PID1: variants seen among roughly 807,000 people sequenced by gnomAD.
PID1 encodes the protein phosphotyrosine interaction domain containing 1.
A neutral mutation model predicts 19.1 loss-of-function variants in PID1; 10 were observed. The ratio of observed to expected loss-of-function variants is 0.52; its 90% CI spans 0.32 to 0.89. PID1 has a LOEUF of 0.89. PID1 is among the 40% of genes least tolerant of loss of function. The pLI is 0.03. For synonymous variants in PID1, 130 were observed against 116.0 expected (o/e 1.12, Z -0.78); for missense variants, 248 against 285.3 (o/e 0.87, Z 0.94).
In PID1 at chr2:229,166,871, T is replaced by C. The variant is rs920448432; in HGVS notation, c.31-10907A>G. ...GAAATAGCTCTCAACTTGGCCAACA[T>C]TAGACAATTTCAGTAACAATAAATA... On this transcript the variant is annotated intron_variant, in intron 1 of 2. Coordinates refer to ENST00000392055, the MANE Select transcript of PID1 (RefSeq NM_001100818.2). 3.3e-5 allele frequency among the ~76,000 whole-genome samples: 5 copies of C among 151,740 alleles called. 1 individual carries two copies. The South Asian group carries it at 1.0e-3, about 32-fold the overall frequency.
At chr2:229,145,195 G>A (rs888054896) in intron 2 of PID1, among the ~76,000 whole-genome samples, 9 of 133,930 alleles carry the variant, frequency 6.7e-5, no homozygotes, top group Non-Finnish European at 9.5e-5. Flanking sequence ...ATATAAACTC[G>A]AGACAGCATT....
intron 1 of PID1, among the ~76,000 whole-genome samples, chr2:229,188,716 G>A (rs910693277): frequency 7.1e-6 from 1 of 141,092 alleles, no homozygotes; most frequent in African/African-American, 2.7e-5. Flanking sequence ...TCCAGCCTGG[G>A]CAACAAGAGC....
At position 229,025,474 on chromosome 2, in the gene PID1, A is replaced by T. The variant is rs187927704; in HGVS notation, c.*158T>A. 1 of 642,770 alleles carries T rather than the reference A, an allele frequency of 1.6e-6. No individual in the cohort carries two copies. Among genetic ancestry groups the T allele is most frequent in the East Asian group, 2.6e-5 (1 of 39,074 alleles). The allele number at this position is 642,770 out of a possible 1,614,324, so 39.8% of individuals were successfully genotyped here. Reference sequence around the variant, plus strand: ...AATGTAACGTAATTACTTTAATGATACATTTCTTTAGATTTAGAATTGCTC... The same window carrying T: ...AATGTAACGTAATTACTTTAATGATTCATTTCTTTAGATTTAGAATTGCTC... On this transcript the variant is annotated 3_prime_UTR_variant, in exon 3 of 3. Transcript: ENST00000392055.
intron 2 of PID1, among the ~76,000 whole-genome samples, chr2:229,084,515 C>T (rs1323101558): frequency 1.3e-5 from 2 of 152,172 alleles, no homozygotes; most frequent in African/African-American, 4.8e-5. Flanking sequence ...GGTTTACAGG[C>T]ATATGAATTG....
intron 1 of PID1, among the ~76,000 whole-genome samples, chr2:229,237,180 C>T (rs887391222): frequency 7.2e-5 from 11 of 152,062 alleles, no homozygotes; most frequent in African/African-American, 2.4e-4. Context: ...TTTTTGCATC[C>T]AGAGAATAAC....
chr2:229,122,676 T>C (rs1488137308), intron 2 of PID1, among the ~76,000 whole-genome samples: 1 of 152,184 alleles, frequency 6.6e-6, no homozygotes, highest in African/African-American at 2.4e-5. Flanking sequence ...ACTATCGTCA[T>C]TAGTGGATAT....
chr2:229,185,980 G>A (rs1305566577), intron 1 of PID1, among the ~76,000 whole-genome samples: 1 of 152,156 alleles, frequency 6.6e-6, no homozygotes, highest in African/African-American at 2.4e-5. Context: ...AAAATCAAAA[G>A]CAAGTTAGTT....
intron 1 of PID1, among the ~76,000 whole-genome samples, chr2:229,260,071 C>A (rs1021915882): frequency 2.0e-5 from 3 of 152,112 alleles, no homozygotes; most frequent in South Asian, 4.1e-4. Context: ...AGTGAACTAT[C>A]TTCTCTGCAC....
intron 1 of PID1, among the ~76,000 whole-genome samples, chr2:229,241,912 C>A (rs187078559): frequency 6.6e-6 from 1 of 152,236 alleles, no homozygotes; most frequent in East Asian, 1.9e-4. Flanking sequence ...TCTATAAGTA[C>A]CCTTTTTCTC....
chr2:229,207,083 T>G (rs899711382), intron 1 of PID1, among the ~76,000 whole-genome samples: 1 of 152,066 alleles, frequency 6.6e-6, no homozygotes, highest in South Asian at 2.1e-4. Context: ...AATGGAAGCC[T>G]CCTCTTCTGT....
chr2:229,235,566 T>C lies in PID1; in HGVS notation c.30+35448A>G, dbSNP rs183584911. 6.6e-5 allele frequency among the ~76,000 whole-genome samples: 10 copies of C among 152,338 alleles called. No homozygotes were observed. In the East Asian group the frequency reaches 1.9e-3, roughly 29 times the overall value. On this transcript the variant is annotated intron_variant, in intron 1 of 2. Transcript: ENST00000392055. ...TTTTTCCTGACTTTTGAACTACTTC[T>C]TTCTAGAAACACTAAAATTAATCCT... is the stretch of plus-strand genomic sequence containing the variant.
intron 2 of PID1, among the ~76,000 whole-genome samples, chr2:229,136,526 G>A (rs939394155): frequency 6.6e-6 from 1 of 152,180 alleles, no homozygotes; most frequent in African/African-American, 2.4e-5. Flanking sequence ...TTTTAAAAGT[G>A]TAATTTTCCC....
rs1414796716 is a variant in PID1, at chr2:229,094,329, G to A, written c.177+61489C>T. ...AGAAAGCCATCCATCCCATGGCCAT[G>A]GATTAGAAGAATCAATATCATGAAA... On this transcript the variant is annotated intron_variant, in intron 2 of 2. Coordinates refer to ENST00000392055, the MANE Select transcript of PID1 (RefSeq NM_001100818.2). Among the ~76,000 whole-genome samples the A allele has an allele frequency of 2.0e-5, 3 of 152,132 alleles. No homozygotes were observed. The East Asian group carries it at 5.8e-4, about 30-fold the overall frequency.
intron 2 of PID1, among the ~76,000 whole-genome samples, chr2:229,046,984 T>C (rs1312634667): frequency 6.6e-6 from 1 of 152,204 alleles, no homozygotes; most frequent in African/African-American, 2.4e-5. Flanking sequence ...TCCTACCATC[T>C]TGATAGCTGC....
At chr2:229,230,556 C>T (rs920166573) in intron 1 of PID1, among the ~76,000 whole-genome samples, 3 of 152,182 alleles carry the variant, frequency 2.0e-5, no homozygotes, top group African/African-American at 4.8e-5. Context: ...AAGTCATCTG[C>T]TTTGTCAGCT....
chr2:229,263,672 A>G (rs1207519034), intron 1 of PID1, among the ~76,000 whole-genome samples: 2 of 152,222 alleles, frequency 1.3e-5, no homozygotes, highest in Non-Finnish European at 2.9e-5. Context: ...GTCTCTGGAG[A>G]ATTGTTACAT....
chr2:229,072,907 T>G (rs894531348), intron 2 of PID1, among the ~76,000 whole-genome samples: 3 of 152,244 alleles, frequency 2.0e-5, no homozygotes, highest in African/African-American at 2.4e-5. Flanking sequence ...AAGCCAAGCT[T>G]AAAAACAATC....
At chr2:229,093,928 T>G (rs1287360303) in intron 2 of PID1, among the ~76,000 whole-genome samples, 2 of 152,088 alleles carry the variant, frequency 1.3e-5, no homozygotes, top group African/African-American at 4.8e-5. Context: ...TGACTTCTGT[T>G]CAACATAGTA....
rs1271835276 is a variant in PID1 at position 229,210,551 on chromosome 2, AAAAC to A, written c.31-54591_31-54588del. Among the ~76,000 whole-genome samples the A allele has an allele frequency of 3.5e-3, 343 of 96,780 alleles. 40 individuals are homozygous for A. The highest frequency in any genetic ancestry group is 0.023 in the East Asian group (30 of 1,308). The allele number at this position is 96,780 out of a possible 152,430, so 63.5% of individuals were successfully genotyped here. A position where few individuals can be genotyped will look rare whatever the true frequency, so the allele number is the denominator to read the frequency against. ...AAAAAAAAAAAAAAAAAAAAAAAAA[AAAAC>A]AACCTAGAAGGAAAAAGTCAGAAGA... On this transcript the variant is annotated intron_variant, in intron 1 of 2. Coordinates refer to ENST00000392055, the MANE Select transcript of PID1 (RefSeq NM_001100818.2).
Sources: allele counts gnomAD v4.1 joint callset (sites outside exome capture counted in the v4.1 genomes callset), GRCh38; gene constraint gnomAD v4.1.1; transcripts MANE v1.5; gene names NCBI Gene and HGNC (gene_info 2026-07-23, HGNC 2026-07-21).